Variants in NUP43 observed in about 807,000 individuals in gnomAD.
NUP43 encodes nucleoporin Nup43.
In NUP43, 32 loss-of-function variants were observed where a neutral mutation model predicts 47.3. The observed-to-expected ratio is 0.68, with a 90% CI of 0.51 to 0.91. NUP43 has a LOEUF of 0.91. NUP43 is among the 40% of genes least tolerant of loss of function. The pLI is 0.00. For synonymous variants in NUP43, 147 were observed against 158.4 expected, an observed-to-expected ratio of 0.93 and a Z score of 0.54; for missense variants, 444 against 453.9, an observed-to-expected ratio of 0.98 and a Z score of 0.20.
intron 6 of NUP43, among the ~76,000 whole-genome samples, chr6:149,734,955 G>A (rs1403890830): frequency 2.6e-5 from 4 of 151,874 alleles, no homozygotes; most frequent in African/African-American, 4.8e-5. Context: ...ATGATGTGAT[G>A]CAACAATAAA....
chr6:149,730,748 T>C (rs1360312609), intron 7 of NUP43, among the ~76,000 whole-genome samples: 2 of 151,738 alleles, frequency 1.3e-5, no homozygotes, highest in South Asian at 2.1e-4. Flanking sequence ...CTGGGCAGCA[T>C]AGTGAGAGCT....
chr6:149,730,805 G>A (rs1188756237), intron 7 of NUP43, among the ~76,000 whole-genome samples: 1 of 151,910 alleles, frequency 6.6e-6, no homozygotes, highest in Non-Finnish European at 1.5e-5. Flanking sequence ...GGTTGTGGTT[G>A]CAAGCATCTC....
intron 2 of NUP43, among the ~76,000 whole-genome samples, chr6:149,744,016 G>T (rs1186079982): frequency 6.6e-6 from 1 of 152,188 alleles, no homozygotes; most frequent in Non-Finnish European, 1.5e-5. Context: ...GCTCACGCCT[G>T]TAATCCCAGC....
chr6:149,740,661 A>G (rs1454577794), intron 4 of NUP43, among the ~76,000 whole-genome samples: 1 of 152,130 alleles, frequency 6.6e-6, no homozygotes, highest in African/African-American at 2.4e-5. Flanking sequence ...CACATACAAA[A>G]TGGATTCATG....
chr6:149,728,495 A>G, intron 7 of NUP43: 6 of 977,502 alleles, frequency 6.1e-6, no homozygotes, highest in Non-Finnish European at 7.3e-6. Flanking sequence ...AAGTTTTAGA[A>G]TTTTTTTCCC....
chr6:149,743,891 A>G (rs1183778259), intron 2 of NUP43, among the ~76,000 whole-genome samples, 176 bp from the exon 3 acceptor site: 4 of 152,254 alleles, frequency 2.6e-5, no homozygotes, highest in Non-Finnish European at 5.9e-5. Flanking sequence ...TGCCATACAA[A>G]GTATTTTCAT....
Position 149,724,633 on chromosome 6 carries a change from G to C in NUP43, c.*2336C>G, listed in dbSNP as rs2115063130. On this transcript the variant is annotated 3_prime_UTR_variant, in exon 8 of 8. Coordinates refer to ENST00000340413, the MANE Select transcript of NUP43 (RefSeq NM_198887.3). ...GCGTTTTGCTCTTTTGCCCAGGCTG[G>C]AGTGAAGTGGCACGATCTTGGGTCA... 6.6e-6 allele frequency: 1 copy of C among 152,274 alleles called. No individual in the cohort carries two copies. The highest frequency in any genetic ancestry group is 3.4e-3 in the Middle Eastern group (1 of 294). The allele number at this position is 152,274 out of a possible 1,614,324, so 9.4% of individuals were successfully genotyped here. A position where few individuals can be genotyped will look rare whatever the true frequency, so the allele number is the denominator to read the frequency against.
In NUP43 at chr6:149,726,962, A is replaced by G; in HGVS notation, c.*7T>C. 1 of 1,597,938 alleles carries G rather than the reference A, an allele frequency of 6.3e-7. No individual in the cohort carries two copies. On this transcript the variant is annotated 3_prime_UTR_variant, in exon 8 of 8. Transcript: ENST00000340413. The stretch of plus-strand genomic sequence containing the variant: ...GTTCTATCTGAAATCTTATAATTAT[A>G]GTACTTCTACGAAAAAAGATGTCTA...
rs201107558 is a variant in NUP43, at chr6:149,742,452, A to G, written c.440T>C (p.Val147Ala). ...GAGATTTATTCGACCATCCTCTCCA[A>G]CTGTAACGATTTCTGGGTTGTTGCA... Reference protein sequence around the residue: ...VVCNNPEIVTVGEDGRINLFR... With the variant: ...VVCNNPEIVTAGEDGRINLFR... The change falls in exon 4 of 8, where the codon GTT becomes GCT. Residue 147 changes from valine to alanine, a missense_variant. Transcript: ENST00000340413. 2.5e-6 allele frequency: 4 copies of G among 1,614,146 alleles called. No homozygotes were observed. The highest frequency in any genetic ancestry group is 3.4e-6 in the Non-Finnish European group (4 of 1,180,028).
intron 1 of NUP43, 86 bp from the exon 2 acceptor site, chr6:149,746,148 T>C: frequency 6.8e-7 from 1 of 1,460,034 alleles, no homozygotes; most frequent in Non-Finnish European, 9.4e-7. Flanking sequence ...GAAATGTTGC[T>C]CCAAAACATC....
At chr6:149,745,242 T>TGCA (rs1251513912) in intron 2 of NUP43, among the ~76,000 whole-genome samples, 2 of 151,218 alleles carry the variant, frequency 1.3e-5, no homozygotes, top group Non-Finnish European at 2.9e-5. Flanking sequence ...CTATTAAAAA[T>TGCA]ACAAAAAATT....
At chr6:149,730,572 G>C (rs887557358) in intron 7 of NUP43, among the ~76,000 whole-genome samples, 5 of 152,078 alleles carry the variant, frequency 3.3e-5, no homozygotes, top group African/African-American at 9.7e-5. Flanking sequence ...TTTACTCTGA[G>C]GCAAGAGAAT....
chr6:149,740,844 C>T (rs1471577557), intron 4 of NUP43, among the ~76,000 whole-genome samples: 3 of 152,200 alleles, frequency 2.0e-5, no homozygotes, highest in East Asian at 1.9e-4. Flanking sequence ...CTGGCCCCAG[C>T]TTACTTCTCT....
At chr6:149,732,195 AAAAAG>A in intron 6 of NUP43, among the ~76,000 whole-genome samples, 1 of 151,314 alleles carries the variant, frequency 6.6e-6, no homozygotes, top group Non-Finnish European at 1.5e-5. Context: ...AAAAAAAAAA[AAAAAG>A]AAAAGAAAGG....
intron 5 of NUP43, among the ~76,000 whole-genome samples, chr6:149,738,204 T>C (rs1177075989): frequency 1.3e-5 from 2 of 152,192 alleles, no homozygotes; most frequent in Non-Finnish European, 2.9e-5. Context: ...TAAATATTAT[T>C]TATCATCTTA....
chr6:149,741,145 C>T (rs1785633080), intron 4 of NUP43, among the ~76,000 whole-genome samples: 1 of 151,838 alleles, frequency 6.6e-6, no homozygotes, highest in Admixed American at 6.6e-5. Context: ...GGGATCCTGC[C>T]TTGCGTTGTG....
chr6:149,727,284 G>T, intron 7 of NUP43, 86 bp from the exon 8 acceptor site: 1 of 1,486,314 alleles, frequency 6.7e-7, no homozygotes, highest in Non-Finnish European at 9.0e-7. Context: ...ATTTAGAAAG[G>T]TGATGATATC....
Position 149,727,045 on chromosome 6 carries a change from A to G in NUP43, c.1067T>C (p.Leu356Ser), listed in dbSNP as rs544196559. 3.7e-6 allele frequency: 6 copies of G among 1,614,154 alleles called. No homozygotes were observed. In the East Asian group the frequency reaches 8.9e-5, roughly 24 times the overall value. ...AACAAGACAAGGACCTAAAACATCC[A>G]AAGTGTTCACAGACAGAGACCTACT... is the stretch of plus-strand genomic sequence containing the variant. ...LPSRSLSVNT[L>S]DVLGPCLVCG... The change falls in exon 8 of 8, where the codon TTG becomes TCG. Residue 356 changes from leucine to serine, a missense_variant. Physicochemically the swap from Leu to Ser is moderately radical, Grantham distance 145. Coordinates refer to ENST00000340413, the MANE Select transcript of NUP43 (RefSeq NM_198887.3).
At chr6:149,739,374 C>T (rs889210234) in intron 4 of NUP43, among the ~76,000 whole-genome samples, 7 of 152,088 alleles carry the variant, frequency 4.6e-5, no homozygotes, top group Non-Finnish European at 7.4e-5. Flanking sequence ...ACAACCTCCG[C>T]CTCCCAGGTT....
Sources: gnomAD v4.1 joint callset for allele counts (sites outside exome capture counted in the v4.1 genomes callset) on GRCh38, gnomAD v4.1.1 for gene constraint, MANE v1.5 for transcripts, NCBI Gene and HGNC (gene_info 2026-07-23, HGNC 2026-07-21) for gene names.